The following TIMP4 variants were observed in gnomAD, a reference collection of about 807,000 sequenced individuals.
TIMP4 encodes the protein metalloproteinase inhibitor 4.
A neutral mutation model predicts 27.3 loss-of-function variants in TIMP4; 28 were observed. The ratio of observed to expected loss-of-function variants is 1.03; its 90% CI spans 0.76 to 1.41. The LOEUF (loss-of-function observed/expected upper bound fraction) is 1.41, where lower values mean the gene tolerates loss of function less well. Ranked by LOEUF, TIMP4 falls within the 40% of genes most tolerant of loss-of-function variation. TIMP4 has a pLI of 0.00. For missense variants in TIMP4, 307 were observed against 285.5 expected (o/e 1.08, Z -0.54); for synonymous variants, 138 against 115.5 (o/e 1.20, Z -1.25).
chr3:12,155,163 G>T (rs35839040), intron 3 of TIMP4, among the ~76,000 whole-genome samples: 2 of 151,904 alleles, frequency 1.3e-5, no homozygotes, highest in Non-Finnish European at 2.9e-5. Context: ...AACCTCAGTC[G>T]CTCAATCATT....
chr3:12,158,676 G>T, intron 1 of TIMP4, 26 bp downstream of exon 1: 1 of 1,608,708 alleles, frequency 6.2e-7, no homozygotes. Flanking sequence ...ACCCCCTGCT[G>T]TGGACCTCGC....
chr3:12,154,421 A>C lies in TIMP4; in HGVS notation c.383T>G (p.Ile128Ser), dbSNP rs1045118461. The C allele has an allele frequency of 3.1e-6, 5 of 1,614,004 alleles. No individual in the cohort carries two copies. Among genetic ancestry groups the C allele is most frequent in the Non-Finnish European group, 4.2e-6 (5 of 1,180,038 alleles). The stretch of plus-strand genomic sequence containing the variant: ...GGGCTCGATGTAGTTGCACAGATGG[A>C]TGAAGACTTTTCCATCACTGAGGAC... Reference protein sequence around the residue: ...GQVLSDGKVFIHLCNYIEPWE... With the variant: ...GQVLSDGKVFSHLCNYIEPWE... The change falls in exon 4 of 5, where the codon ATC becomes AGC. Residue 128 changes from isoleucine to serine, a missense_variant. By Grantham distance (142) the Ile-to-Ser change is moderately radical. Transcript: ENST00000287814.
At position 12,153,537 on chromosome 3, in the gene TIMP4, A is replaced by G. The variant is rs770120413; in HGVS notation, c.653T>C (p.Phe218Ser). 66 of 1,613,700 alleles carry G rather than the reference A, an allele frequency of 4.1e-5. No homozygotes were observed. The highest frequency in any genetic ancestry group is 1.7e-4 in the Middle Eastern group (1 of 5,798). Residue 218 changes from phenylalanine (F) to serine (S), a missense_variant, in exon 5 of 5, where the codon TTT (phenylalanine) becomes TCT (serine). Physicochemically the swap from Phe to Ser is radical, Grantham distance 155 (BLOSUM62 -2). Transcript: ENST00000287814. ...YRGHLPLRKE[F>S]VDIVQP is the part of the protein sequence containing the mutation. ...CTACTAGGGCTGAACGATGTCAACAAACTCCTTCCTGAGAGGCAGGTGGCC... is the reference window on the plus strand; with the variant it reads ...CTACTAGGGCTGAACGATGTCAACAGACTCCTTCCTGAGAGGCAGGTGGCC...
Position 12,156,868 on chromosome 3 carries a change from A to AGAG in TIMP4, c.301_303dup (p.Leu101dup), listed in dbSNP as rs1208106870. The stretch of plus-strand genomic sequence containing the variant: ...CTGTTGGCTTCTAGTTTCACACCAC[A>AGAG]GAGGGAAGAGTCAAAAGGCGTATAG... On this transcript the variant is annotated inframe_insertion, in exon 3 of 5. Coordinates refer to ENST00000287814, the MANE Select transcript of TIMP4 (RefSeq NM_003256.4). 1 of 1,614,120 alleles carries AGAG rather than the reference A, an allele frequency of 6.2e-7. No individual in the cohort carries two copies. The highest frequency in any genetic ancestry group is 8.5e-7 in the Non-Finnish European group (1 of 1,180,052).
chr3:12,156,737 A>G, intron 3 of TIMP4, 83 bp downstream of exon 3: 1 of 1,125,656 alleles, frequency 8.9e-7, no homozygotes, highest in South Asian at 1.3e-5. Context: ...CTACTGCCCA[A>G]GGAAGACCCT....
rs1434480547 is a variant in TIMP4 at position 12,153,141 on chromosome 3, G to A, written c.*374C>T. On this transcript the variant is annotated 3_prime_UTR_variant, in exon 5 of 5. Coordinates refer to ENST00000287814, the MANE Select transcript of TIMP4 (RefSeq NM_003256.4). ...CACCTTCTGATACTGTACATCGCAA[G>A]GATATACCATCTCATGTGTATGACA... is the stretch of plus-strand genomic sequence containing the variant. 3.7e-5 allele frequency: 12 copies of A among 321,942 alleles called. No individual in the cohort carries two copies. Among genetic ancestry groups the A allele is most frequent in the South Asian group, 6.8e-5 (2 of 29,426 alleles). The allele number at this position is 321,942 out of a possible 1,614,324, so 19.9% of individuals were successfully genotyped here.
chr3:12,156,569 T>C (rs1697462994), intron 3 of TIMP4, among the ~76,000 whole-genome samples: 1 of 152,210 alleles, frequency 6.6e-6, no homozygotes, highest in African/African-American at 2.4e-5. Flanking sequence ...CTACACTGGG[T>C]GAGCAGCCTG....
Position 12,156,802 on chromosome 3 carries a change from G to T in TIMP4, c.352+18C>A, listed in dbSNP as rs1489947675. The T allele has an allele frequency of 6.3e-7, 1 of 1,592,120 alleles. No individual in the cohort carries two copies. Among genetic ancestry groups the T allele is most frequent in the Non-Finnish European group, 8.6e-7 (1 of 1,160,050 alleles). The stretch of plus-strand genomic sequence containing the variant: ...AGAATCTATTATATTAAGGCCAGTT[G>T]TTGGTCTTTTAACTTACCAGTCAAG... On this transcript the variant is annotated intron_variant, in intron 3 of 4. Transcript: ENST00000287814.
chr3:12,153,845 A>G, intron 4 of TIMP4, 133 bp from the exon 5 acceptor site: 4 of 965,668 alleles, frequency 4.1e-6, no homozygotes, highest in Non-Finnish European at 6.2e-6. Context: ...CCCAGTCCCC[A>G]GTCTTCTCCT....
In TIMP4 at chr3:12,158,766, C is replaced by G. The variant is rs781659560; in HGVS notation, c.75G>C (p.Gly25=). Residue 25 remains glycine, a synonymous_variant, in exon 1 of 5, where the codon GGG becomes GGC. Transcript: ENST00000287814. ...GGGCGCAGCTGCATGCCTCACCCAG[C>G]CCCGGGGGCCGCAGCAACGCCAGCA... is the stretch of plus-strand genomic sequence containing the variant. The part of the protein sequence containing the change: ...LRLLALLRPP[G]LGEACSCAPA... 6.2e-7 allele frequency: 1 copy of G among 1,606,150 alleles called. No individual in the cohort carries two copies. Among genetic ancestry groups the G allele is most frequent in the Non-Finnish European group, 8.5e-7 (1 of 1,178,870 alleles).
intron 2 of TIMP4, 76 bp downstream of exon 2, chr3:12,157,309 C>T (rs1697486341): frequency 9.2e-6 from 13 of 1,414,680 alleles, no homozygotes; most frequent in Non-Finnish European, 1.2e-5. Context: ...CTGAAAGCTA[C>T]CAGCCCTCCC....
rs1697534334 is a variant in TIMP4, at chr3:12,158,641, G to C, written c.139+61C>G. On this transcript the variant is annotated intron_variant, in intron 1 of 4. Transcript: ENST00000287814. ...TCCTCTGGACTCCTGGTGTACTGCT[G>C]GCCAGATACTAATCCCCCACAACCA... The C allele has an allele frequency of 3.1e-6, 5 of 1,597,988 alleles. No individual in the cohort carries two copies. In the African/African-American group the frequency reaches 6.7e-5, roughly 21 times the overall value.
At chr3:12,157,180 G>A (rs1472590304) in intron 2 of TIMP4, among the ~76,000 whole-genome samples, 1 of 152,120 alleles carries the variant, frequency 6.6e-6, no homozygotes. Flanking sequence ...GCAGCTGTGG[G>A]ACCAGATGGA....
chr3:12,153,774 TTTCAGA>T (rs1697374285), intron 4 of TIMP4, 62 bp from the exon 5 acceptor site: 2 of 1,574,462 alleles, frequency 1.3e-6, no homozygotes, highest in Non-Finnish European at 1.7e-6. Flanking sequence ...CATTGCTGCC[TTTCAGA>T]TTCCTACGTA....
chr3:12,158,802 C>G lies in TIMP4; in HGVS notation c.39G>C (p.Leu13=), dbSNP rs755033753. ...GCAGCAACGCCAGCAGCCGCAGCAA[C>G]AGCACCCAGCTTGGCGCGGGCCGAG... ...GSPRPAPSWV[L]LLRLLALLRP... The change falls in exon 1 of 5, where the codon CTG becomes CTC. Residue 13 remains leucine, a synonymous_variant. Coordinates refer to ENST00000287814, the MANE Select transcript of TIMP4 (RefSeq NM_003256.4). 13 of 1,601,724 alleles carry G rather than the reference C, an allele frequency of 8.1e-6. No homozygotes were observed. The Admixed American group carries it at 2.2e-4, about 27-fold the overall frequency.
At chr3:12,156,510 C>G (rs1209819832) in intron 3 of TIMP4, among the ~76,000 whole-genome samples, 1 of 152,156 alleles carries the variant, frequency 6.6e-6, no homozygotes, top group African/African-American at 2.4e-5. Flanking sequence ...CTCAAGTTGC[C>G]AAAAATCTTA....
At chr3:12,158,014 G>A (rs1257627540) in intron 1 of TIMP4, among the ~76,000 whole-genome samples, 1 of 152,182 alleles carries the variant, frequency 6.6e-6, no homozygotes, top group African/African-American at 2.4e-5. Flanking sequence ...CCTTGCACTA[G>A]GCACTAGGCC....
At position 12,158,774 on chromosome 3, in the gene TIMP4, G is replaced by T. The variant is rs939174807; in HGVS notation, c.67C>A (p.Pro23Thr). 1 of 1,605,286 alleles carries T rather than the reference G, an allele frequency of 6.2e-7. No individual in the cohort carries two copies. The highest frequency in any genetic ancestry group is 2.2e-5 in the East Asian group (1 of 44,778). The change falls in exon 1 of 5, where the codon CCC (proline) becomes ACC (threonine). Residue 23 changes from proline to threonine, a missense_variant. Pro to Thr is a conservative substitution (Grantham distance 38). Transcript: ENST00000287814. ...CTGCATGCCTCACCCAGCCCCGGGGGCCGCAGCAACGCCAGCAGCCGCAGC... is the reference window on the plus strand; with the variant it reads ...CTGCATGCCTCACCCAGCCCCGGGGTCCGCAGCAACGCCAGCAGCCGCAGC... ...LLLRLLALLR[P>T]PGLGEACSCA... is the part of the protein sequence containing the mutation.
intron 3 of TIMP4, among the ~76,000 whole-genome samples, chr3:12,155,519 A>G (rs1048885157): frequency 6.6e-6 from 1 of 152,116 alleles, no homozygotes; most frequent in Admixed American, 6.5e-5. Context: ...CTGGCAGCAT[A>G]CCTTCTGCAA....
Sources: gnomAD v4.1 joint callset for allele counts (sites outside exome capture counted in the v4.1 genomes callset) on GRCh38, gnomAD v4.1.1 for gene constraint, MANE v1.5 for transcripts, NCBI Gene and HGNC (gene_info 2026-07-23, HGNC 2026-07-21) for gene names.